The following CACNG5 variants were observed in gnomAD, a reference collection of about 807,000 sequenced individuals.
CACNG5 encodes the protein voltage-dependent calcium channel gamma-5 subunit.
A neutral mutation model predicts 24.8 loss-of-function variants in CACNG5; 18 were observed. The observed-to-expected ratio is 0.73, with a 90% confidence interval of 0.50 to 1.08. The LOEUF (loss-of-function observed/expected upper bound fraction) is 1.08. Among genes scored for constraint, CACNG5 ranks in the 50% least tolerant of loss-of-function variants. CACNG5 has a pLI of 0.00. For missense variants in CACNG5, 349 were observed against 367.9 expected (o/e 0.95, Z 0.42); for synonymous variants, 157 against 149.1 (o/e 1.05, Z -0.39).
At chr17:66,868,267 ACCT>A (rs1424685920) in intron 1 of CACNG5, among the ~76,000 whole-genome samples, 1 of 151,962 alleles carries the variant, frequency 6.6e-6, no homozygotes, top group African/African-American at 2.4e-5. Context: ...TTAGACACTG[ACCT>A]CCACTCCAGG....
chr17:66,856,147 G>C (rs1340118308), intron 1 of CACNG5, among the ~76,000 whole-genome samples: 1 of 152,152 alleles, frequency 6.6e-6, no homozygotes, highest in East Asian at 1.9e-4. Flanking sequence ...ACATTTTTGT[G>C]TATTTTGTAC....
chr17:66,875,857 C>A (rs536109857), intron 1 of CACNG5, among the ~76,000 whole-genome samples: 37 of 152,332 alleles, frequency 2.4e-4, no homozygotes, highest in African/African-American at 7.9e-4. Context: ...GGTGACACAA[C>A]CTTTCTGAGT....
In CACNG5 at chr17:66,865,062, G is replaced by A. The variant is rs1035470645; in HGVS notation, c.-103-12168G>A. ...AGGCATGAGCCACCATGCCTTGATC[G>A]TTCAACAGTAGTTTTAAGGTTTTCT... On this transcript the variant is annotated intron_variant, in intron 1 of 5. Transcript: ENST00000533854. Among the ~76,000 whole-genome samples the A allele has an allele frequency of 7.9e-5, 12 of 152,182 alleles. 1 individual carries two copies. The highest frequency in any genetic ancestry group is 3.9e-4 in the Admixed American group (6 of 15,270).
intron 1 of CACNG5, among the ~76,000 whole-genome samples, chr17:66,862,667 T>G (rs1598053307): frequency 1.9e-5 from 2 of 104,168 alleles, no homozygotes; most frequent in Non-Finnish European, 1.8e-5. Context: ...CCCGCCCCCC[T>G]CCCCAGCATT....
At chr17:66,876,944 A>C (rs1394668466) in intron 1 of CACNG5, among the ~76,000 whole-genome samples, 1 of 151,880 alleles carries the variant, frequency 6.6e-6, no homozygotes, top group African/African-American at 2.4e-5. Context: ...TGTCATGTTC[A>C]TTTTTGTATC....
chr17:66,838,957 A>ATTTTTTTTTTTTTTTTTTTT (rs1435457390), intron 1 of CACNG5, among the ~76,000 whole-genome samples: 1 of 61,506 alleles, frequency 1.6e-5, no homozygotes, highest in Non-Finnish European at 3.0e-5. Context: ...TCCCTCACCC[A>ATTTTTTTTTTTTTTTTTTTT]TTCTTTTTTT....
In CACNG5 at chr17:66,846,952, G is replaced by A. The variant is rs532757868; in HGVS notation, c.-104+11702G>A. On this transcript the variant is annotated intron_variant, in intron 1 of 5. Transcript: ENST00000533854. ...CTTACAATTTTCCTGAAAACCTTTC[G>A]AAGTGTGGTTACCCATGTTTTACAG... Among the ~76,000 whole-genome samples the A allele has an allele frequency of 4.6e-5, 7 of 152,296 alleles. No homozygotes were observed. The East Asian group carries it at 5.8e-4, about 13-fold the overall frequency.
intron 1 of CACNG5, among the ~76,000 whole-genome samples, chr17:66,863,746 A>G (rs986503616): frequency 6.6e-6 from 1 of 152,162 alleles, no homozygotes; most frequent in Non-Finnish European, 1.5e-5. Context: ...CTATGCTTCA[A>G]TGCTGATCAT....
At chr17:66,875,810 C>A (rs1977068639) in intron 1 of CACNG5, among the ~76,000 whole-genome samples, 1 of 152,214 alleles carries the variant, frequency 6.6e-6, no homozygotes, top group African/African-American at 2.4e-5. Flanking sequence ...GTGAAAGATG[C>A]CGACAGGATA....
intron 2 of CACNG5, 120 bp from the exon 3 acceptor site, chr17:66,878,852 C>G: frequency 1.1e-5 from 9 of 793,856 alleles, no homozygotes; most frequent in Admixed American, 2.2e-5. Context: ...GGATCCAGCT[C>G]AGGTGCAAAG....
rs113144104 is a variant in CACNG5 at position 66,887,132 on chromosome 17, T to C, written c.*1892T>C. On this transcript the variant is annotated 3_prime_UTR_variant, in exon 6 of 6. Transcript: ENST00000533854. Reference sequence around the variant, plus strand: ...TTTAGGGAAGACAGAGTTTAGCCCATGACAGGTATTTTGTTGCTGGATTCT... The same window carrying C: ...TTTAGGGAAGACAGAGTTTAGCCCACGACAGGTATTTTGTTGCTGGATTCT... 9.2e-4 allele frequency among the ~76,000 whole-genome samples: 140 copies of C among 152,336 alleles called. 1 individual carries two copies. The highest frequency in any genetic ancestry group is 3.2e-3 in the African/African-American group (135 of 41,576).
At chr17:66,844,443 G>T (rs1273760220) in intron 1 of CACNG5, among the ~76,000 whole-genome samples, 1 of 152,160 alleles carries the variant, frequency 6.6e-6, no homozygotes, top group African/African-American at 2.4e-5. Flanking sequence ...ACTATATAAG[G>T]TTGACATGAT....
chr17:66,871,214 G>T (rs1456075441), intron 1 of CACNG5, among the ~76,000 whole-genome samples: 2 of 152,146 alleles, frequency 1.3e-5, no homozygotes, highest in Non-Finnish European at 2.9e-5. Flanking sequence ...AGCCCATCCT[G>T]CTGGACACTG....
At chr17:66,856,529 C>G (rs1008592709) in intron 1 of CACNG5, among the ~76,000 whole-genome samples, 1 of 140,604 alleles carries the variant, frequency 7.1e-6, no homozygotes, top group Non-Finnish European at 1.5e-5. Flanking sequence ...AAGGATCCCT[C>G]GTGTTGCCCC....
Position 66,885,309 on chromosome 17 carries a change from C to T in CACNG5, c.*69C>T. 1 of 1,504,940 alleles carries T rather than the reference C, an allele frequency of 6.6e-7. No homozygotes were observed. The highest frequency in any genetic ancestry group is 8.8e-7 in the Non-Finnish European group (1 of 1,133,664). The allele number at this position is 1,504,940 out of a possible 1,614,324, so 93.2% of individuals were successfully genotyped here. On this transcript the variant is annotated 3_prime_UTR_variant, in exon 6 of 6. Coordinates refer to ENST00000533854, the MANE Select transcript of CACNG5 (RefSeq NM_145811.3). ...CCTTCCTGTTCTCTCCAGGTGACCCCTGAGCCCCAGGCCTGTGGTTGACAG... is the reference window on the plus strand; with the variant it reads ...CCTTCCTGTTCTCTCCAGGTGACCCTTGAGCCCCAGGCCTGTGGTTGACAG...
At chr17:66,849,536 T>A (rs1272997809) in intron 1 of CACNG5, among the ~76,000 whole-genome samples, 1 of 152,160 alleles carries the variant, frequency 6.6e-6, no homozygotes, top group Non-Finnish European at 1.5e-5. Context: ...TGGGCTGTGT[T>A]CTGGGATCTG....
intron 1 of CACNG5, among the ~76,000 whole-genome samples, chr17:66,875,297 G>T (rs1053189996): frequency 3.3e-5 from 5 of 152,054 alleles, no homozygotes; most frequent in Non-Finnish European, 7.4e-5. Flanking sequence ...GGTGGAGAGG[G>T]CTGTTTGGTG....
chr17:66,856,337 T>G lies in CACNG5; in HGVS notation c.-103-20893T>G, dbSNP rs78975043. ...GAAATTTTTTAAATAATTAAACTTT[T>G]GATTTTGAGATACTGTAGATTCACA... On this transcript the variant is annotated intron_variant, in intron 1 of 5. Coordinates refer to ENST00000533854, the MANE Select transcript of CACNG5 (RefSeq NM_145811.3). 4.6e-3 allele frequency among the ~76,000 whole-genome samples: 706 copies of G among 152,286 alleles called. 6 individuals carry two copies. The highest frequency in any genetic ancestry group is 0.016 in the African/African-American group (675 of 41,542).
At chr17:66,845,435 T>C (rs1976624898) in intron 1 of CACNG5, among the ~76,000 whole-genome samples, 1 of 149,040 alleles carries the variant, frequency 6.7e-6, no homozygotes, top group Non-Finnish European at 1.5e-5. Flanking sequence ...ATTCTGCACA[T>C]GTGTCCCAGA....
Sources: gnomAD v4.1 joint callset for allele counts (sites outside exome capture counted in the v4.1 genomes callset) on GRCh38, gnomAD v4.1.1 for gene constraint, MANE v1.5 for transcripts, NCBI Gene and HGNC (gene_info 2026-07-23, HGNC 2026-07-21) for gene names.